Variants in NRP1 observed in about 807,000 individuals in gnomAD.
The protein encoded by NRP1 is neuropilin 1, also known as neuropilin-1.
In NRP1, 35 loss-of-function variants were observed where a neutral mutation model predicts 106.7. The observed-to-expected ratio is 0.33, with a 90% CI of 0.25 to 0.43. The LOEUF (loss-of-function observed/expected upper bound fraction) is 0.43, where lower values mean the gene tolerates loss of function less well. NRP1 is among the 20% of genes least tolerant of loss of function. NRP1 has a pLI of 1.00. For synonymous variants in NRP1, 437 were observed against 417.9 expected (o/e 1.05, Z -0.56); for missense variants, 1,024 against 1,170.4 (o/e 0.87, Z 1.83).
Position 33,178,444 on chromosome 10 carries a change from A to AT in NRP1, c.*1631dup, listed in dbSNP as rs1835494807. ...TTTCTAGAAGCATTCATTTAAGTCT[A>AT]TTTTTTCAAGGTTGCTGTTATGAAT... On this transcript the variant is annotated 3_prime_UTR_variant, in exon 17 of 17. Transcript: ENST00000374867. 6.6e-6 allele frequency: 1 copy of AT among 151,628 alleles called. No individual in the cohort carries two copies. The highest frequency in any genetic ancestry group is 2.1e-4 in the South Asian group (1 of 4,788). 9.4% of individuals were successfully genotyped at this position (151,628 alleles called of 1,614,324 possible).
chr10:33,292,565 G>A (rs541641157), intron 2 of NRP1, among the ~76,000 whole-genome samples: 97 of 152,288 alleles, frequency 6.4e-4, no homozygotes, highest in African/African-American at 2.2e-3. Context: ...TGACACTGAA[G>A]CCCAGCAGGT....
chr10:33,273,650 A>C (rs961430056), intron 2 of NRP1, among the ~76,000 whole-genome samples: 2 of 152,208 alleles, frequency 1.3e-5, no homozygotes, highest in Non-Finnish European at 2.9e-5. Context: ...CAGCCCGGCA[A>C]AGGTGAGAAT....
At chr10:33,201,637 C>T (rs571610682) in intron 11 of NRP1, 1 of 152,228 alleles carries the variant, frequency 6.6e-6, no homozygotes, top group Admixed American at 6.5e-5. Flanking sequence ...AGTTTTGTGG[C>T]TTGTGGCTGC....
intron 2 of NRP1, among the ~76,000 whole-genome samples, chr10:33,301,957 G>A (rs1218037228): frequency 6.6e-6 from 1 of 151,992 alleles, no homozygotes; most frequent in Non-Finnish European, 1.5e-5. Flanking sequence ...AGGATAACAA[G>A]GTCTTTCCTA....
intron 6 of NRP1, among the ~76,000 whole-genome samples, 163 bp from the exon 7 acceptor site, chr10:33,226,452 T>C (rs1839681087): frequency 6.6e-6 from 1 of 151,914 alleles, no homozygotes; most frequent in Admixed American, 6.5e-5. Flanking sequence ...TTCCATTCCT[T>C]CTTAAAAAAA....
At chr10:33,197,482 T>C in intron 12 of NRP1, 168 bp downstream of exon 12, 2 of 479,704 alleles carry the variant, frequency 4.2e-6, no homozygotes, top group South Asian at 5.1e-5. Context: ...CCCTGCTGCA[T>C]ATACATGTGG....
At chr10:33,209,665 C>T (rs192346387) in intron 9 of NRP1, among the ~76,000 whole-genome samples, 83 of 151,668 alleles carry the variant, frequency 5.5e-4, no homozygotes, top group East Asian at 5.1e-3. Flanking sequence ...TCAGTAGAAA[C>T]GGGGTTTCAC....
intron 3 of NRP1, among the ~76,000 whole-genome samples, chr10:33,266,369 C>T (rs1053429222): frequency 6.6e-6 from 1 of 152,180 alleles, no homozygotes; most frequent in African/African-American, 2.4e-5. Context: ...GATTCACTCA[C>T]CCGCTGTGTA....
At chr10:33,293,737 G>A (rs193088067) in intron 2 of NRP1, among the ~76,000 whole-genome samples, 14 of 152,240 alleles carry the variant, frequency 9.2e-5, no homozygotes, top group Admixed American at 2.6e-4. Flanking sequence ...AAACGTGCTC[G>A]CGTGCATGCA....
At position 33,177,817 on chromosome 10, in the gene NRP1, G is replaced by A. The variant is rs556874851; in HGVS notation, c.*2259C>T. 3.3e-5 allele frequency: 5 copies of A among 152,590 alleles called. No individual in the cohort carries two copies. The highest frequency in any genetic ancestry group is 7.4e-5 in the Non-Finnish European group (5 of 68,012). 9.5% of individuals were successfully genotyped at this position (152,590 alleles called of 1,614,324 possible). A position where few individuals can be genotyped will look rare whatever the true frequency, so the allele number is the denominator to read the frequency against. ...ATAGATTTCCATAAAGAAAAAATATGTTATTTTACACCTTTAAAAATTACA... is the reference window on the plus strand; with the variant it reads ...ATAGATTTCCATAAAGAAAAAATATATTATTTTACACCTTTAAAAATTACA... On this transcript the variant is annotated 3_prime_UTR_variant, in exon 17 of 17. Transcript: ENST00000374867.
chr10:33,213,324 A>G (rs764916503), intron 9 of NRP1, 62 bp downstream of exon 9: 4 of 1,614,180 alleles, frequency 2.5e-6, no homozygotes, highest in African/African-American at 1.3e-5. Flanking sequence ...GGAGAATGCC[A>G]GAGGCCCTTG....
rs952558976 is a variant in NRP1, at chr10:33,244,595, T to C, written c.981+9433A>G. On this transcript the variant is annotated intron_variant, in intron 6 of 16. Transcript: ENST00000374867. ...TATTGGTCCACAGATATGAAACTGG[T>C]TGGTAATTGATAGCTTTTAATGTGT... 3.3e-5 allele frequency among the ~76,000 whole-genome samples: 5 copies of C among 152,178 alleles called. No individual in the cohort carries two copies. In the East Asian group the frequency reaches 5.8e-4, roughly 18 times the overall value.
At chr10:33,270,418 C>G (rs973819122) in intron 3 of NRP1, among the ~76,000 whole-genome samples, 13 of 151,930 alleles carry the variant, frequency 8.6e-5, no homozygotes, top group African/African-American at 2.7e-4. Context: ...CCTCCACCTC[C>G]CAGGTTCAAG....
intron 2 of NRP1, among the ~76,000 whole-genome samples, chr10:33,299,862 G>A (rs1175831606): frequency 1.3e-5 from 2 of 152,120 alleles, no homozygotes; most frequent in Non-Finnish European, 2.9e-5. Flanking sequence ...AGAGATCCTC[G>A]CTGCCTTGAT....
intron 10 of NRP1, chr10:33,206,479 T>C (rs1186537478): frequency 6.1e-6 from 2 of 330,292 alleles, no homozygotes; most frequent in Non-Finnish European, 1.2e-5. Context: ...TTCAGGGGTA[T>C]GGTGATTGAT....
At chr10:33,235,206 T>G (rs1243780452) in intron 6 of NRP1, among the ~76,000 whole-genome samples, 1 of 152,246 alleles carries the variant, frequency 6.6e-6, no homozygotes, top group African/African-American at 2.4e-5. Flanking sequence ...TAGTAAAATC[T>G]GCTGTAGTTG....
intron 6 of NRP1, among the ~76,000 whole-genome samples, chr10:33,229,859 C>A (rs551061173): frequency 6.6e-6 from 1 of 152,166 alleles, no homozygotes; most frequent in South Asian, 2.1e-4. Context: ...GCATTGGCAA[C>A]CTCCTCTTGT....
intron 2 of NRP1, among the ~76,000 whole-genome samples, chr10:33,271,683 A>G (rs1220323773): frequency 6.6e-6 from 1 of 152,262 alleles, no homozygotes; most frequent in Non-Finnish European, 1.5e-5. Flanking sequence ...AAGGAAAGTG[A>G]CAATAAAATA....
rs72788160 is a variant in NRP1 at position 33,187,936 on chromosome 10, G to A, written c.2063-1448C>T. Among the ~76,000 whole-genome samples, 1,340 of 152,232 alleles carry A rather than the reference G, an allele frequency of 8.8e-3. 12 individuals are homozygous for A. Among genetic ancestry groups the A allele is most frequent in the Middle Eastern group, 0.02 (6 of 294 alleles). On this transcript the variant is annotated intron_variant, in intron 13 of 16. Transcript: ENST00000374867. ...GAGCCCGCCCTTCTTCAAACCAACG[G>A]GTGGAATCATAAAGGAAGGGTGTTC...
Sources: allele counts gnomAD v4.1 joint callset (sites outside exome capture counted in the v4.1 genomes callset), GRCh38; gene constraint gnomAD v4.1.1; transcripts MANE v1.5; gene names NCBI Gene and HGNC (gene_info 2026-07-23, HGNC 2026-07-21).